The following ELFN2 variants were observed in gnomAD, a reference collection of about 807,000 sequenced individuals.
ELFN2 encodes extracellular leucine rich repeat and fibronectin type III domain containing 2.
ELFN2 carries 17 observed loss-of-function variants against 45.5 expected under a neutral mutation model. The ratio of observed to expected loss-of-function variants is 0.37; its 90% CI spans 0.26 to 0.56. The LOEUF is 0.56. ELFN2 is among the 20% of genes least tolerant of loss of function. ELFN2 has a pLI of 0.77. For missense variants in ELFN2, 922 were observed against 1,183.2 expected, an observed-to-expected ratio of 0.78 and a Z score of 3.24; for synonymous variants, 550 against 551.5, an observed-to-expected ratio of 1.00 and a Z score of 0.04.
At chr22:37,406,566 C>T (rs537705586) in intron 2 of ELFN2, among the ~76,000 whole-genome samples, 1 of 152,336 alleles carries the variant, frequency 6.6e-6, no homozygotes, top group African/African-American at 2.4e-5. Flanking sequence ...GCCCCAGCCC[C>T]GTGACCCACT....
rs372219343 is a variant in ELFN2, at chr22:37,373,066, G to A, written c.*6C>T. On this transcript the variant is annotated 3_prime_UTR_variant, in exon 3 of 3. Coordinates refer to ENST00000402918, the MANE Select transcript of ELFN2 (RefSeq NM_052906.5). ...GCTCCGACCTCACCAGGGAGGAAGG[G>A]GGGGGTCACAGCTTCTGCTGGGCGG... 1.4e-5 allele frequency: 22 copies of A among 1,582,076 alleles called. No individual in the cohort carries two copies. The highest frequency in any genetic ancestry group is 4.5e-5 in the East Asian group (2 of 44,398).
At position 37,373,951 on chromosome 22, in the gene ELFN2, C is replaced by T. The variant is rs1038197033; in HGVS notation, c.1584G>A (p.Gln528=). ...EDDLPDLENG[Q]GSAAEISTIA... ...TGGTGGAGATCTCTGCAGCCGAGCCCTGGCCGTTCTCGAGGTCCGGGAGGT... is the reference window on the plus strand; with the variant it reads ...TGGTGGAGATCTCTGCAGCCGAGCCTTGGCCGTTCTCGAGGTCCGGGAGGT... The change falls in exon 3 of 3, where the codon CAG becomes CAA. Residue 528 remains glutamine, a synonymous_variant. Coordinates refer to ENST00000402918, the MANE Select transcript of ELFN2 (RefSeq NM_052906.5). 3 of 1,612,404 alleles carry T rather than the reference C, an allele frequency of 1.9e-6. No individual in the cohort carries two copies. In the African/African-American group the frequency reaches 4.0e-5, roughly 22 times the overall value.
At position 37,375,072 on chromosome 22, in the gene ELFN2, T is replaced by C; in HGVS notation, c.463A>G (p.Ser155Gly). ...TAFSECPSLI[S>G]IDLSSNRLSR... ...AGGCGGTTGGAGGACAGGTCGATGCTGATGAGGCTCGGGCACTCGGAGAAG... is the reference window on the plus strand; with the variant it reads ...AGGCGGTTGGAGGACAGGTCGATGCCGATGAGGCTCGGGCACTCGGAGAAG... Residue 155 changes from serine (S) to glycine (G), a missense_variant, in exon 3 of 3, where the codon AGC (serine) becomes GGC (glycine). By Grantham distance (56) the Ser-to-Gly change is moderately conservative. Coordinates refer to ENST00000402918, the MANE Select transcript of ELFN2 (RefSeq NM_052906.5). 6.2e-7 allele frequency: 1 copy of C among 1,613,620 alleles called. No individual in the cohort carries two copies. The highest frequency in any genetic ancestry group is 8.5e-7 in the Non-Finnish European group (1 of 1,180,002).
chr22:37,381,318 C>T (rs1408730898), intron 2 of ELFN2, among the ~76,000 whole-genome samples: 3 of 75,492 alleles, frequency 4.0e-5, no homozygotes, highest in East Asian at 7.9e-4. Flanking sequence ...GGTTTTCTGC[C>T]CCTGTCAGAG....
chr22:37,374,494 C>CGTG lies in ELFN2; in HGVS notation c.1040_1041insCAC (p.Thr347dup). 1 of 1,614,226 alleles carries CGTG rather than the reference C, an allele frequency of 6.2e-7. No individual in the cohort carries two copies. Among genetic ancestry groups the CGTG allele is most frequent in the Non-Finnish European group, 8.5e-7 (1 of 1,180,036 alleles). ...CAGTGTGCGCCCGCAGTTTGTCCAG[C>CGTG]GTCACGATCTCCTTCTTGTTCTTGA... On this transcript the variant is annotated inframe_insertion, in exon 3 of 3. Transcript: ENST00000402918.
At chr22:37,341,326 G>A (rs1343593376) in intron 2 of ELFN2, among the ~76,000 whole-genome samples, 1 of 152,154 alleles carries the variant, frequency 6.6e-6, no homozygotes, top group African/African-American at 2.4e-5. Context: ...CCACCACTGT[G>A]GCCAGCCATC....
intron 1 of ELFN2, among the ~76,000 whole-genome samples, chr22:37,361,610 C>G (rs1207467508): frequency 6.6e-6 from 1 of 152,160 alleles, no homozygotes; most frequent in Non-Finnish European, 1.5e-5. Flanking sequence ...CCATCCCACA[C>G]CATCTGACTT....
intron 2 of ELFN2, among the ~76,000 whole-genome samples, chr22:37,403,183 CT>C (rs955118520): frequency 2.8e-5 from 4 of 140,930 alleles, no homozygotes; most frequent in Admixed American, 7.2e-5. Context: ...CATGATGCCC[CT>C]CCCCCCACCC....
At position 37,405,089 on chromosome 22, in the gene ELFN2, C is replaced by CTTTTTT. The variant is rs1491573989; in HGVS notation, c.-463+12679_-463+12680insAAAAAA. Among the ~76,000 whole-genome samples the CTTTTTT allele has an allele frequency of 8.1e-3, 980 of 121,180 alleles. 41 individuals are homozygous for CTTTTTT. The highest frequency in any genetic ancestry group is 0.01 in the Non-Finnish European group (623 of 60,790). 79.5% of individuals were successfully genotyped at this position (121,180 alleles called of 152,430 possible). ...GGCCCCTCACCTCCCTGAACCTCAGCATTTTTTTTTTTTTTTTTTTTTTGA... is the reference window on the plus strand; with the variant it reads ...GGCCCCTCACCTCCCTGAACCTCAGCTTTTTTATTTTTTTTTTTTTTTTTTTTTTGA... On this transcript the variant is annotated intron_variant, in intron 2 of 2. Coordinates refer to ENST00000402918, the MANE Select transcript of ELFN2 (RefSeq NM_052906.5).
At chr22:37,380,516 G>C (rs1027909949) in intron 2 of ELFN2, among the ~76,000 whole-genome samples, 30 of 152,160 alleles carry the variant, frequency 2.0e-4, no homozygotes, top group African/African-American at 7.2e-4. Flanking sequence ...GGAGCAGGTG[G>C]GGGGAAGCGC....
chr22:37,384,055 C>A (rs1300227624), intron 2 of ELFN2, among the ~76,000 whole-genome samples: 1 of 152,156 alleles, frequency 6.6e-6, no homozygotes, highest in Non-Finnish European at 1.5e-5. Context: ...TGTCACCCCC[C>A]CATGGCTCAC....
chr22:37,373,432 C>T lies in ELFN2; in HGVS notation c.2103G>A (p.Pro701=). 7 of 1,556,418 alleles carry T rather than the reference C, an allele frequency of 4.5e-6. No individual in the cohort carries two copies. Among genetic ancestry groups the T allele is most frequent in the Non-Finnish European group, 6.1e-6 (7 of 1,152,784 alleles). ...GCCGGTGCTCGCTGCAGTGGTAGGC[C>T]GGCTTCACCTCCAGGTGGTGGATGC... ...GGGIHHLEVK[P]AYHCSEHRHS... The change falls in exon 3 of 3, where the codon CCG becomes CCA. Residue 701 remains proline, a synonymous_variant. Coordinates refer to ENST00000402918, the MANE Select transcript of ELFN2 (RefSeq NM_052906.5).
intron 2 of ELFN2, among the ~76,000 whole-genome samples, chr22:37,381,089 G>A (rs1931749130): frequency 6.6e-6 from 1 of 152,080 alleles, no homozygotes; most frequent in South Asian, 2.1e-4. Flanking sequence ...AACTCCTCTG[G>A]GCTTCAGTCT....
At chr22:37,396,128 A>G (rs1366194383) in intron 2 of ELFN2, among the ~76,000 whole-genome samples, 16 of 152,226 alleles carry the variant, frequency 1.1e-4, no homozygotes, top group Non-Finnish European at 2.4e-4. Context: ...CACAAAGACA[A>G]GCCAGGAACT....
In ELFN2 at chr22:37,419,217, A is replaced by T. The variant is rs1932790191; in HGVS notation, c.-613-1298T>A. The stretch of plus-strand genomic sequence containing the variant: ...CACCCCCTCCCAAAGGCAGAGAACT[A>T]GCAGGGCCGGCTTCCTCCAGGAAAG... On this transcript the variant is annotated intron_variant, in intron 1 of 2. Coordinates refer to ENST00000402918, the MANE Select transcript of ELFN2 (RefSeq NM_052906.5). Among the ~76,000 whole-genome samples the T allele has an allele frequency of 2.0e-5, 3 of 151,802 alleles. No homozygotes were observed. The South Asian group carries it at 6.2e-4, about 32-fold the overall frequency.
chr22:37,351,290 C>A, intron 1 of ELFN2, among the ~76,000 whole-genome samples: 1 of 150,008 alleles, frequency 6.7e-6, no homozygotes, highest in Non-Finnish European at 1.5e-5. Flanking sequence ...TGCCCCCACC[C>A]CAGGAGCTTC....
At chr22:37,380,247 G>A (rs1433307672) in intron 2 of ELFN2, among the ~76,000 whole-genome samples, 1 of 152,236 alleles carries the variant, frequency 6.6e-6, no homozygotes, top group Non-Finnish European at 1.5e-5. Context: ...AGCGAGGCCA[G>A]CTGGGGACGC....
intron 2 of ELFN2, among the ~76,000 whole-genome samples, chr22:37,404,595 G>A (rs1328379215): frequency 1.3e-5 from 2 of 152,138 alleles, no homozygotes; most frequent in African/African-American, 4.8e-5. Context: ...GTCAGCAGGT[G>A]GCCACACGCA....
At chr22:37,390,959 G>A (rs774214506) in intron 2 of ELFN2, among the ~76,000 whole-genome samples, 1 of 152,232 alleles carries the variant, frequency 6.6e-6, no homozygotes, top group South Asian at 2.1e-4. Context: ...ACAGTCAAGC[G>A]AGGGGCTAGA....
Sources: allele counts gnomAD v4.1 joint callset (sites outside exome capture counted in the v4.1 genomes callset), GRCh38; gene constraint gnomAD v4.1.1; transcripts MANE v1.5; gene names NCBI Gene and HGNC (gene_info 2026-07-23, HGNC 2026-07-21).